The following SLC16A12 variants were observed in gnomAD, a reference collection of about 807,000 sequenced individuals.
SLC16A12 encodes solute carrier family 16 member 12.
A neutral mutation model predicts 42.4 loss-of-function variants in SLC16A12; 17 were observed. The ratio of observed to expected loss-of-function variants is 0.40; its 90% confidence interval spans 0.27 to 0.60. The LOEUF is 0.60. SLC16A12 is among the 20% of genes least tolerant of loss of function. SLC16A12 has a pLI of 0.42. For missense variants in SLC16A12, 544 were observed against 623.0 expected (o/e 0.87, Z 1.35); for synonymous variants, 224 against 229.4 (o/e 0.98, Z 0.21).
chr10:89,536,290 C>T (rs1843661130), upstream of SLC16A12, among the ~76,000 whole-genome samples: 1 of 152,186 alleles, frequency 6.6e-6, no homozygotes, highest in Non-Finnish European at 1.5e-5. Context: ...CTTCCCATTT[C>T]ACAGCACAGG....
chr10:89,447,726 A>G (rs1269799609), intron 3 of SLC16A12, among the ~76,000 whole-genome samples: 1 of 152,206 alleles, frequency 6.6e-6, no homozygotes, highest in Non-Finnish European at 1.5e-5. Context: ...ACAAATTTAA[A>G]AGCTAGCAGA....
intron 6 of SLC16A12, among the ~76,000 whole-genome samples, chr10:89,436,868 A>AAAAGAAAGAAAAAG (rs1841800445): frequency 2.5e-5 from 3 of 120,428 alleles, no homozygotes; most frequent in Admixed American, 8.3e-5. Flanking sequence ...GAAATAAAGA[A>AAAAGAAAGAAAAAG]AAAGAAAGAA....
chr10:89,548,650 T>C (rs1435356104), intron 2 of SLC16A12, among the ~76,000 whole-genome samples: 1 of 152,140 alleles, frequency 6.6e-6, no homozygotes, highest in East Asian at 1.9e-4. Context: ...ACCCCATCTC[T>C]ACTAAAAATA....
intron 7 of SLC16A12, among the ~76,000 whole-genome samples, chr10:89,434,350 A>G (rs768596820): frequency 6.6e-6 from 1 of 152,258 alleles, no homozygotes; most frequent in Non-Finnish European, 1.5e-5. Context: ...AATGAAGGCC[A>G]CGAACTGAAT....
At chr10:89,502,660 T>C (rs1843005503) in intron 2 of SLC16A12, among the ~76,000 whole-genome samples, 1 of 152,084 alleles carries the variant, frequency 6.6e-6, no homozygotes, top group South Asian at 2.1e-4. Flanking sequence ...TAGAAGCAAA[T>C]AAACATCAGT....
Position 89,436,117 on chromosome 10 carries a change from G to C in SLC16A12, c.1231C>G (p.Leu411Val). 6.2e-7 allele frequency: 1 copy of C among 1,614,014 alleles called. No homozygotes were observed. The highest frequency in any genetic ancestry group is 8.5e-7 in the Non-Finnish European group (1 of 1,179,986). The change falls in exon 7 of 8, where the codon CTT (leucine) becomes GTT (valine). Residue 411 changes from leucine (L) to valine (V), a missense_variant. Leu to Val is a conservative substitution (Grantham distance 32, BLOSUM62 1). Coordinates refer to ENST00000371790, the MANE Select transcript of SLC16A12 (RefSeq NM_213606.4). ...IVGTTSLSSALGVVYFLHAVP... is the reference protein window; with the variant it reads ...IVGTTSLSSAVGVVYFLHAVP... ...GCGTGAAGGAAGTATACCACACCAA[G>C]CGCTGATGACAAAGAGGTGGTCCCC...
intron 4 of SLC16A12, 57 bp from the exon 5 acceptor site, chr10:89,441,308 G>T (rs934627669): frequency 1.2e-6 from 2 of 1,605,988 alleles, no homozygotes; most frequent in African/African-American, 1.3e-5. Context: ...ACTGTGAAAG[G>T]CTGTGATGTG....
chr10:89,503,767 C>G (rs189035366), intron 2 of SLC16A12, among the ~76,000 whole-genome samples: 1 of 152,092 alleles, frequency 6.6e-6, no homozygotes, highest in Non-Finnish European at 1.5e-5. Context: ...TGTTCCCATA[C>G]AATTTGGGCC....
intron 2 of SLC16A12, among the ~76,000 whole-genome samples, chr10:89,492,788 T>C (rs1393153186): frequency 6.6e-6 from 1 of 151,866 alleles, no homozygotes; most frequent in Non-Finnish European, 1.5e-5. Context: ...GTATGAAAGG[T>C]AGAGAAGGTT....
At chr10:89,522,107 C>A (rs1331951943) in intron 2 of SLC16A12, among the ~76,000 whole-genome samples, 1 of 152,202 alleles carries the variant, frequency 6.6e-6, no homozygotes. Context: ...CCATAGCATT[C>A]ACCTCCAATC....
intron 2 of SLC16A12, among the ~76,000 whole-genome samples, chr10:89,554,115 G>GGAAGGAAGGAAGGAAAGAAA (rs1843792844): frequency 7.1e-6 from 1 of 140,774 alleles, no homozygotes; most frequent in African/African-American, 2.7e-5. Flanking sequence ...AAGGAAGGAA[G>GGAAGGAAGGAAGGAAAGAAA]GAAGGAAGGA....
chr10:89,442,710 T>G (rs1288623677), intron 4 of SLC16A12, among the ~76,000 whole-genome samples: 1 of 152,194 alleles, frequency 6.6e-6, no homozygotes, highest in Non-Finnish European at 1.5e-5. Context: ...CTGCTTTTAG[T>G]CTTAGAACTG....
At chr10:89,489,313 A>T (rs901706488) in intron 2 of SLC16A12, among the ~76,000 whole-genome samples, 2 of 152,032 alleles carry the variant, frequency 1.3e-5, no homozygotes, top group African/African-American at 4.8e-5. Context: ...TATACTAAAG[A>T]TTTAAACTTA....
intron 2 of SLC16A12, among the ~76,000 whole-genome samples, chr10:89,554,127 G>GGAAAGAAAGAAA (rs1843793213): frequency 1.4e-5 from 2 of 138,028 alleles, no homozygotes; most frequent in African/African-American, 6.0e-5. Context: ...AAGGAAGGAA[G>GGAAAGAAAGAAA]GAAGGAAGGA....
chr10:89,519,470 A>G (rs930374946), intron 2 of SLC16A12, among the ~76,000 whole-genome samples: 1 of 152,292 alleles, frequency 6.6e-6, no homozygotes, highest in Non-Finnish European at 1.5e-5. Flanking sequence ...AGAGTATAGC[A>G]GGGATCCCAG....
rs1253587763 is a variant in SLC16A12, at chr10:89,430,716, A to G, written c.*2348T>C. ...AAGTAAAATGCAAATCTATGCATGT[A>G]TAAAGTCAAATCTCCCAAATGTTTT... On this transcript the variant is annotated 3_prime_UTR_variant, in exon 8 of 8. Coordinates refer to ENST00000371790, the MANE Select transcript of SLC16A12 (RefSeq NM_213606.4). 4.3e-6 allele frequency: 2 copies of G among 463,278 alleles called. No homozygotes were observed. Among genetic ancestry groups the G allele is most frequent in the Non-Finnish European group, 8.9e-6 (2 of 225,238 alleles). 28.7% of individuals were successfully genotyped at this position (463,278 alleles called of 1,614,324 possible). A position where few individuals can be genotyped will look rare whatever the true frequency, so the allele number is the denominator to read the frequency against.
At chr10:89,539,857 T>TTTTCTTTA (rs767393215), upstream of SLC16A12, among the ~76,000 whole-genome samples, 24 of 127,956 alleles carry the variant, frequency 1.9e-4, no homozygotes, top group Middle Eastern at 0.015. Context: ...AGAAACAAAT[T>TTTTCTTTA]TTTCTTTCTT....
intron 2 of SLC16A12, among the ~76,000 whole-genome samples, chr10:89,552,063 G>A (rs1346818007): frequency 6.6e-6 from 1 of 152,120 alleles, no homozygotes; most frequent in Non-Finnish European, 1.5e-5. Context: ...AGCCTCCTGA[G>A]TAGCTAGGAC....
chr10:89,514,249 T>C (rs1589719405), intron 2 of SLC16A12, among the ~76,000 whole-genome samples: 1 of 152,080 alleles, frequency 6.6e-6, no homozygotes, highest in African/African-American at 2.4e-5. Context: ...AAAGAGGCGG[T>C]TGCAAGGAAA....
Sources: gnomAD v4.1 joint callset for allele counts (sites outside exome capture counted in the v4.1 genomes callset) on GRCh38, gnomAD v4.1.1 for gene constraint, MANE v1.5 for transcripts, NCBI Gene and HGNC (gene_info 2026-07-23, HGNC 2026-07-21) for gene names.